Variants in DEF6 observed in about 807,000 individuals in gnomAD.
The protein encoded by DEF6 is DEF6 guanine nucleotide exchange factor, also known as differentially expressed in FDCP 6 homolog.
In DEF6, 32 loss-of-function variants were observed where a neutral mutation model predicts 80.5. The observed-to-expected ratio is 0.40, with a 90% CI of 0.30 to 0.53. The LOEUF is 0.53. DEF6 is among the 20% of genes least tolerant of loss of function. The pLI is 0.57. For synonymous variants in DEF6, 300 were observed against 337.9 expected (o/e 0.89, Z 1.23); for missense variants, 575 against 818.7 (o/e 0.70, Z 3.63).
intron 2 of DEF6, 109 bp from the exon 3 acceptor site, chr6:35,310,350 T>A: frequency 8.4e-7 from 1 of 1,192,244 alleles, no homozygotes; most frequent in Non-Finnish European, 1.2e-6. Flanking sequence ...GCCCTGGACT[T>A]GGCCAGGTGG....
intron 1 of DEF6, among the ~76,000 whole-genome samples, chr6:35,300,736 G>A (rs1328812628): frequency 1.3e-5 from 2 of 152,198 alleles, no homozygotes; most frequent in African/African-American, 4.8e-5. Flanking sequence ...TGAGGGCTGT[G>A]AGTTCTTGCA....
chr6:35,300,991 C>T (rs1187972324), intron 1 of DEF6, among the ~76,000 whole-genome samples: 1 of 152,062 alleles, frequency 6.6e-6, no homozygotes, highest in Non-Finnish European at 1.5e-5. Flanking sequence ...TGATGAGGAT[C>T]TTTGGGTGGC....
At chr6:35,303,861 G>A (rs890844449) in intron 1 of DEF6, among the ~76,000 whole-genome samples, 3 of 152,150 alleles carry the variant, frequency 2.0e-5, no homozygotes, top group Admixed American at 1.3e-4. Flanking sequence ...GGCCCAGCAC[G>A]GTGGCTCTTG....
chr6:35,314,847 A>C (rs1791506892), intron 5 of DEF6, among the ~76,000 whole-genome samples: 1 of 152,140 alleles, frequency 6.6e-6, no homozygotes. Context: ...CTTTGCCCAG[A>C]CCAATGTCCT....
At chr6:35,304,156 C>T (rs1791361468) in intron 1 of DEF6, among the ~76,000 whole-genome samples, 1 of 152,016 alleles carries the variant, frequency 6.6e-6, no homozygotes, top group Non-Finnish European at 1.5e-5. Flanking sequence ...CACACACACA[C>T]ATATACACAC....
Position 35,318,616 on chromosome 6 carries a change from G to A in DEF6, c.1215+145G>A. 1.3e-6 allele frequency: 1 copy of A among 776,822 alleles called. No individual in the cohort carries two copies. The highest frequency in any genetic ancestry group is 1.8e-6 in the Non-Finnish European group (1 of 556,384). The allele number at this position is 776,822 out of a possible 1,614,324, so 48.1% of individuals were successfully genotyped here. On this transcript the variant is annotated intron_variant, in intron 7 of 10. Coordinates refer to ENST00000316637, the MANE Select transcript of DEF6 (RefSeq NM_022047.4). The surrounding 1 kb of genome is among the most constrained non-coding windows in gnomAD (Gnocchi z 5.1). ...GGGGTGGAGCTTGAAATGAGGGATT[G>A]TTGGGACAGAGTCCGCGGGTTTGAA...
At position 35,318,938 on chromosome 6, in the gene DEF6, C is replaced by G. The variant is rs1013338207; in HGVS notation, c.1215+467C>G. ...GATTTAGGATTTAAGAAACCTGGAT[C>G]TGGAGTCAGAAACACGTAGATTCAA... is the stretch of plus-strand genomic sequence containing the variant. On this transcript the variant is annotated intron_variant, in intron 7 of 10. Coordinates refer to ENST00000316637, the MANE Select transcript of DEF6 (RefSeq NM_022047.4). This position sits in a 1 kb window ranked among gnomAD's most constrained non-coding sequence, Gnocchi z 5.1. Among the ~76,000 whole-genome samples, 5 of 152,116 alleles carry G rather than the reference C, an allele frequency of 3.3e-5. No individual in the cohort carries two copies. The highest frequency in any genetic ancestry group is 1.2e-4 in the African/African-American group (5 of 41,410).
At position 35,319,456 on chromosome 6, in the gene DEF6, CCCT is replaced by C; in HGVS notation, c.1216-59_1216-57del. On this transcript the variant is annotated intron_variant, in intron 7 of 10. Transcript: ENST00000316637. The surrounding 1 kb of genome is among the most constrained non-coding windows in gnomAD (Gnocchi z 4.5). ...TAGGCAGCTTAGCAACATGCCCACC[CCCT>C]CCTCCTCCGCCCCCACGTGCCCCTT... 1 of 1,224,578 alleles carries C rather than the reference CCCT, an allele frequency of 8.2e-7. No homozygotes were observed. Among genetic ancestry groups the C allele is most frequent in the South Asian group, 1.4e-5 (1 of 71,554 alleles). The allele number at this position is 1,224,578 out of a possible 1,614,324, so 75.9% of individuals were successfully genotyped here. A position where few individuals can be genotyped will look rare whatever the true frequency, so the allele number is the denominator to read the frequency against.
intron 1 of DEF6, among the ~76,000 whole-genome samples, chr6:35,299,136 G>T (rs1050017439): frequency 6.6e-6 from 1 of 152,118 alleles, no homozygotes; most frequent in Non-Finnish European, 1.5e-5. Context: ...TCTAATAGAT[G>T]ATTTCACTCC....
intron 1 of DEF6, among the ~76,000 whole-genome samples, chr6:35,301,376 C>T (rs61534122): frequency 0.041 from 6,235 of 152,246 alleles, 447 homozygotes; most frequent in African/African-American, 0.14. Flanking sequence ...GGCTTGGATC[C>T]GTACTGCTCC....
intron 1 of DEF6, among the ~76,000 whole-genome samples, chr6:35,299,880 G>A (rs968210724): frequency 5.9e-5 from 9 of 152,188 alleles, no homozygotes; most frequent in Middle Eastern, 3.4e-3. Flanking sequence ...GTTGGGGGGC[G>A]GGGATTCCAG....
chr6:35,305,717 C>T (rs981817641), intron 1 of DEF6, among the ~76,000 whole-genome samples: 7 of 151,390 alleles, frequency 4.6e-5, no homozygotes, highest in Non-Finnish European at 5.9e-5. Flanking sequence ...GGATTACAGC[C>T]GCCTGCCATC....
At chr6:35,309,495 T>C (rs1032668227) in intron 1 of DEF6, among the ~76,000 whole-genome samples, 175 bp from the exon 2 acceptor site, 5 of 152,202 alleles carry the variant, frequency 3.3e-5, no homozygotes, top group Non-Finnish European at 5.9e-5. Flanking sequence ...TGTAAAGTAC[T>C]TTAGCTCAGT....
Position 35,318,611 on chromosome 6 carries a change from G to A in DEF6, c.1215+140G>A. The A allele has an allele frequency of 1.2e-6, 1 of 813,014 alleles. No homozygotes were observed. Among genetic ancestry groups the A allele is most frequent in the Non-Finnish European group, 1.7e-6 (1 of 588,828 alleles). The allele number at this position is 813,014 out of a possible 1,614,324, so 50.4% of individuals were successfully genotyped here. ...GCACTGGGGTGGAGCTTGAAATGAGGGATTGTTGGGACAGAGTCCGCGGGT... is the reference window on the plus strand; with the variant it reads ...GCACTGGGGTGGAGCTTGAAATGAGAGATTGTTGGGACAGAGTCCGCGGGT... On this transcript the variant is annotated intron_variant, in intron 7 of 10. Transcript: ENST00000316637. The surrounding 1 kb of genome is among the most constrained non-coding windows in gnomAD (Gnocchi z 5.1).
rs2150389274 is a variant in DEF6 at position 35,319,792 on chromosome 6, G to A, written c.1383-27G>A. ...CCTGCAAGGTGCCTTGGCACTAGAG[G>A]CTACACAGTACACACTCACCCGGCA... On this transcript the variant is annotated intron_variant, in intron 8 of 10. Coordinates refer to ENST00000316637, the MANE Select transcript of DEF6 (RefSeq NM_022047.4). This position sits in a 1 kb window ranked among gnomAD's most constrained non-coding sequence, Gnocchi z 4.5. 1.2e-6 allele frequency: 2 copies of A among 1,607,362 alleles called. No individual in the cohort carries two copies. The highest frequency in any genetic ancestry group is 1.7e-6 in the Non-Finnish European group (2 of 1,176,854).
At chr6:35,304,399 C>T (rs995677770) in intron 1 of DEF6, among the ~76,000 whole-genome samples, 1 of 152,184 alleles carries the variant, frequency 6.6e-6, no homozygotes, top group Non-Finnish European at 1.5e-5. Context: ...TAAGTAAAAA[C>T]AGGGAGGAGG....
intron 5 of DEF6, chr6:35,313,377 T>C (rs1463376318): frequency 1.5e-5 from 6 of 408,276 alleles, no homozygotes; most frequent in Non-Finnish European, 2.8e-5. Flanking sequence ...TCAGGGTACA[T>C]GTGATAATTT....
rs533045373 is a variant in DEF6 at position 35,297,839 on chromosome 6, C to T, written c.-18C>T. 5.3e-5 allele frequency: 84 copies of T among 1,576,794 alleles called. No homozygotes were observed. The highest frequency in any genetic ancestry group is 2.5e-4 in the East Asian group (11 of 43,750). On this transcript the variant is annotated 5_prime_UTR_variant, in exon 1 of 11. Coordinates refer to ENST00000316637, the MANE Select transcript of DEF6 (RefSeq NM_022047.4). ...TCTTAGTGTCAGAGCCGCCCCCAGCCGGGCGGGCGCCTCAGCCATGGCCCT... is the reference window on the plus strand; with the variant it reads ...TCTTAGTGTCAGAGCCGCCCCCAGCTGGGCGGGCGCCTCAGCCATGGCCCT...
rs1279973143 is a variant in DEF6 at position 35,318,504 on chromosome 6, C to G, written c.1215+33C>G. ...TAGCTCCCGGCGCCGGGGACGGGACCGGTGGGCTGGGAGGCTGGCCAGGGG... is the reference window on the plus strand; with the variant it reads ...TAGCTCCCGGCGCCGGGGACGGGACGGGTGGGCTGGGAGGCTGGCCAGGGG... On this transcript the variant is annotated intron_variant, in intron 7 of 10. Coordinates refer to ENST00000316637, the MANE Select transcript of DEF6 (RefSeq NM_022047.4). The surrounding 1 kb of genome is among the most constrained non-coding windows in gnomAD (Gnocchi z 5.1). 3.7e-6 allele frequency: 5 copies of G among 1,365,258 alleles called. No homozygotes were observed. Among genetic ancestry groups the G allele is most frequent in the South Asian group, 3.5e-5 (2 of 57,664 alleles). The allele number at this position is 1,365,258 out of a possible 1,614,324, so 84.6% of individuals were successfully genotyped here. A position where few individuals can be genotyped will look rare whatever the true frequency, so the allele number is the denominator to read the frequency against.
Sources: gnomAD v4.1 joint callset for allele counts (sites outside exome capture counted in the v4.1 genomes callset) on GRCh38, gnomAD v4.1.1 for gene constraint, Gnocchi (gnomAD v3.1) non-coding constraint, MANE v1.5 for transcripts, NCBI Gene and HGNC (gene_info 2026-07-23, HGNC 2026-07-21) for gene names.